The following B4GALT6 variants were observed in gnomAD, a reference collection of about 807,000 sequenced individuals.
B4GALT6 encodes the protein UDP-Gal:beta-GlcNAc beta-1,4-galactosyltransferase 6.
In B4GALT6, 14 loss-of-function variants were observed where a neutral mutation model predicts 46.3. The observed-to-expected ratio is 0.30, with a 90% CI of 0.20 to 0.47. The LOEUF (loss-of-function observed/expected upper bound fraction) is 0.47. B4GALT6 is among the 20% of genes least tolerant of loss of function. B4GALT6 has a pLI of 0.99. For missense variants in B4GALT6, 386 were observed against 480.1 expected (o/e 0.80, Z 1.83); for synonymous variants, 168 against 162.0 (o/e 1.04, Z -0.28).
intron 4 of B4GALT6, among the ~76,000 whole-genome samples, chr18:31,640,546 T>A (rs2144558717): frequency 1.3e-5 from 2 of 152,314 alleles, no homozygotes; most frequent in South Asian, 4.1e-4. Flanking sequence ...GCTATGAGGC[T>A]GATGTTTTCA....
At position 31,672,468 on chromosome 18, in the gene B4GALT6, GACC is replaced by G. The variant is rs747107792; in HGVS notation, c.116-6099_116-6097del. On this transcript the variant is annotated intron_variant, in intron 1 of 8. Transcript: ENST00000306851. ...GGTGAAGATCTGATGTATGAAGACAGACCACAAATAGGCAGCACAAAGATAAAA... is the reference window on the plus strand; with the variant it reads ...GGTGAAGATCTGATGTATGAAGACAGACAAATAGGCAGCACAAAGATAAAA... 4.3e-4 allele frequency among the ~76,000 whole-genome samples: 65 copies of G among 152,258 alleles called. 1 individual carries two copies. Among genetic ancestry groups the G allele is most frequent in the Non-Finnish European group, 9.0e-4 (61 of 68,008 alleles).
chr18:31,703,429 A>G, the B4GALT6 span, among the ~76,000 whole-genome samples: 1 of 152,300 alleles, frequency 6.6e-6, no homozygotes, highest in African/African-American at 2.4e-5. Flanking sequence ...CCTTGTTTAT[A>G]GTATGTGGTC....
intron 1 of B4GALT6, among the ~76,000 whole-genome samples, chr18:31,675,743 T>C (rs944984436): frequency 1.3e-5 from 2 of 152,062 alleles, no homozygotes; most frequent in African/African-American, 4.8e-5. Context: ...CTTAATGACA[T>C]TACAGACTAA....
At chr18:31,720,401 G>A in the B4GALT6 span, among the ~76,000 whole-genome samples, 4 of 152,226 alleles carry the variant, frequency 2.6e-5, 1 homozygote, top group Admixed American at 2.6e-4. Flanking sequence ...CTGGGCTGGA[G>A]AGATGTCAAG....
the B4GALT6 span, among the ~76,000 whole-genome samples, chr18:31,713,644 T>G: frequency 2.4e-4 from 36 of 152,206 alleles, no homozygotes; most frequent in Non-Finnish European, 4.4e-4. Context: ...CACCTTCTAA[T>G]TGATATCTAT....
upstream of B4GALT6, among the ~76,000 whole-genome samples, chr18:31,690,435 C>A (rs1425983089): frequency 6.8e-6 from 1 of 146,136 alleles, no homozygotes; most frequent in African/African-American, 2.5e-5. Flanking sequence ...CCAACCCCTG[C>A]AGTCATTTAA....
the B4GALT6 span, among the ~76,000 whole-genome samples, chr18:31,723,964 A>ACCCCC: frequency 1.5e-5 from 2 of 130,720 alleles, no homozygotes; most frequent in African/African-American, 5.7e-5. Flanking sequence ...ACCCCACCCC[A>ACCCCC]CCCCACCCCA....
the B4GALT6 span, among the ~76,000 whole-genome samples, chr18:31,694,728 T>C: frequency 6.6e-6 from 1 of 152,214 alleles, no homozygotes; most frequent in Non-Finnish European, 1.5e-5. Flanking sequence ...AAATGTTCCC[T>C]GTTTTTGCTA....
At chr18:31,723,075 G>T in the B4GALT6 span, among the ~76,000 whole-genome samples, 3 of 152,142 alleles carry the variant, frequency 2.0e-5, no homozygotes, top group Admixed American at 6.6e-5. Flanking sequence ...CTACATTTTT[G>T]AACTATTTAA....
At chr18:31,629,453 T>TA (rs2073748269) in intron 6 of B4GALT6, among the ~76,000 whole-genome samples, 1 of 93,980 alleles carries the variant, frequency 1.1e-5, no homozygotes, top group African/African-American at 6.8e-5. Flanking sequence ...TATGATTTTT[T>TA]TTTTTTTTTT....
intron 1 of B4GALT6, among the ~76,000 whole-genome samples, chr18:31,673,270 T>TA (rs1246054798): frequency 5.3e-5 from 8 of 150,194 alleles, no homozygotes; most frequent in Non-Finnish European, 1.0e-4. Flanking sequence ...ATGGAGAGTT[T>TA]AAAAAAAAAC....
chr18:31,706,791 TTAAA>T, the B4GALT6 span, among the ~76,000 whole-genome samples: 1 of 152,170 alleles, frequency 6.6e-6, no homozygotes, highest in Non-Finnish European at 1.5e-5. Flanking sequence ...CTGAAAGAGC[TTAAA>T]TAGACTAAAT....
chr18:31,682,905 T>C (rs180730219), intron 1 of B4GALT6, among the ~76,000 whole-genome samples: 2 of 152,300 alleles, frequency 1.3e-5, no homozygotes, highest in Admixed American at 6.5e-5. Context: ...ATCTAGATAA[T>C]ATCAAATCCA....
chr18:31,662,094 T>C (rs1324402909), intron 2 of B4GALT6, among the ~76,000 whole-genome samples: 1 of 152,222 alleles, frequency 6.6e-6, no homozygotes, highest in Non-Finnish European at 1.5e-5. Flanking sequence ...AGAATTGTTC[T>C]ACTTTTTATT....
chr18:31,702,807 C>T, the B4GALT6 span, among the ~76,000 whole-genome samples: 1 of 152,084 alleles, frequency 6.6e-6, no homozygotes. Context: ...GCCCAAGGTG[C>T]GGGAGCCTGA....
upstream of B4GALT6, among the ~76,000 whole-genome samples, chr18:31,690,556 G>A (rs935610436): frequency 4.0e-5 from 6 of 151,790 alleles, no homozygotes; most frequent in Admixed American, 1.3e-4. Flanking sequence ...TCTAACCTCC[G>A]CCTCCTGGGT....
intron 2 of B4GALT6, among the ~76,000 whole-genome samples, chr18:31,663,270 C>T (rs2074241758): frequency 6.6e-6 from 1 of 152,180 alleles, no homozygotes; most frequent in Admixed American, 6.5e-5. Flanking sequence ...TAGTCTGTTT[C>T]CCACTAACTT....
At chr18:31,684,632 G>C, upstream of B4GALT6, 1 of 1,292,598 alleles carries the variant, frequency 7.7e-7, no homozygotes, top group Non-Finnish European at 9.9e-7. Flanking sequence ...AGTCGGGGGA[G>C]GGGAGGCGCG....
intron 5 of B4GALT6, among the ~76,000 whole-genome samples, chr18:31,637,562 T>C (rs2073875326): frequency 1.3e-5 from 2 of 152,218 alleles, no homozygotes; most frequent in Admixed American, 6.5e-5. Context: ...TATACTACTT[T>C]TTGTTTTTAG....
Sources: gnomAD v4.1 joint callset for allele counts (sites outside exome capture counted in the v4.1 genomes callset) on GRCh38, gnomAD v4.1.1 for gene constraint, MANE v1.5 for transcripts, NCBI Gene and HGNC (gene_info 2026-07-23, HGNC 2026-07-21) for gene names.